Variants in UBASH3B observed in about 807,000 individuals in gnomAD.
UBASH3B encodes the protein ubiquitin associated and SH3 domain containing B.
Under a neutral mutation model 83.4 loss-of-function variants are expected in UBASH3B, and 37 were observed. The observed-to-expected ratio is 0.44, with a 90% CI of 0.34 to 0.58. The LOEUF is 0.58. Ranked by LOEUF, UBASH3B falls within the 20% of genes least tolerant of loss-of-function variation. UBASH3B has a pLI of 0.01. For missense variants in UBASH3B, 657 were observed against 827.2 expected (o/e 0.79, Z 2.52); for synonymous variants, 304 against 318.3 (o/e 0.96, Z 0.48).
At chr11:122,730,295 A>G (rs1202432416) in intron 1 of UBASH3B, among the ~76,000 whole-genome samples, 1 of 152,168 alleles carries the variant, frequency 6.6e-6, no homozygotes, top group Non-Finnish European at 1.5e-5. Flanking sequence ...TGTGGGTGAC[A>G]TCACACGGGT....
intron 1 of UBASH3B, among the ~76,000 whole-genome samples, chr11:122,724,192 G>A (rs1860690669): frequency 6.6e-6 from 1 of 152,224 alleles, no homozygotes; most frequent in African/African-American, 2.4e-5. Flanking sequence ...TCCATATCTG[G>A]CTTTGCCACT....
chr11:122,719,679 T>C (rs948688026), intron 1 of UBASH3B, among the ~76,000 whole-genome samples: 2 of 152,216 alleles, frequency 1.3e-5, no homozygotes, highest in South Asian at 2.1e-4. Flanking sequence ...TCTTGAACAG[T>C]AACACTTCCC....
intron 12 of UBASH3B, among the ~76,000 whole-genome samples, chr11:122,807,576 G>T (rs899155307): frequency 6.6e-6 from 1 of 152,030 alleles, no homozygotes; most frequent in East Asian, 1.9e-4. Context: ...TTGAGACAGG[G>T]TCTTGCTCCT....
chr11:122,796,080 C>G (rs1591327661), intron 7 of UBASH3B, 76 bp from the exon 8 acceptor site: 2 of 1,580,824 alleles, frequency 1.3e-6, no homozygotes, highest in East Asian at 4.5e-5. Flanking sequence ...TAGAGCTCAG[C>G]TCACCTGGCA....
intron 1 of UBASH3B, among the ~76,000 whole-genome samples, chr11:122,771,021 C>T (rs1860632848): frequency 2.0e-5 from 3 of 152,198 alleles, no homozygotes; most frequent in South Asian, 2.1e-4. Flanking sequence ...AAGGCCTTTG[C>T]GAGTGATCTC....
chr11:122,731,899 T>G (rs1286615861), intron 1 of UBASH3B, among the ~76,000 whole-genome samples: 5 of 152,218 alleles, frequency 3.3e-5, no homozygotes, highest in Non-Finnish European at 5.9e-5. Context: ...CACTGCATTC[T>G]GGTCTTCCCA....
At chr11:122,718,680 GC>G (rs1860567627) in intron 1 of UBASH3B, among the ~76,000 whole-genome samples, 1 of 151,942 alleles carries the variant, frequency 6.6e-6, no homozygotes, top group Non-Finnish European at 1.5e-5. Flanking sequence ...TTTGATTGGA[GC>G]CCCAAAAAAG....
chr11:122,773,843 T>A (rs1860688095), intron 1 of UBASH3B, among the ~76,000 whole-genome samples: 1 of 152,202 alleles, frequency 6.6e-6, no homozygotes, highest in Non-Finnish European at 1.5e-5. Context: ...AAATTAAATT[T>A]CACTCGGATA....
At chr11:122,732,926 T>C (rs899379678) in intron 1 of UBASH3B, among the ~76,000 whole-genome samples, 3 of 152,210 alleles carry the variant, frequency 2.0e-5, no homozygotes, top group African/African-American at 7.2e-5. Flanking sequence ...GGAATGTTAG[T>C]ATCTCTCTCA....
chr11:122,803,591 G>A (rs1021207070), intron 11 of UBASH3B, among the ~76,000 whole-genome samples: 7 of 152,256 alleles, frequency 4.6e-5, no homozygotes, highest in Middle Eastern at 3.4e-3. Flanking sequence ...GGCCAGAGGA[G>A]CAAGGCAGAA....
At chr11:122,794,234 T>A (rs1324740433) in intron 6 of UBASH3B, among the ~76,000 whole-genome samples, 1 of 152,120 alleles carries the variant, frequency 6.6e-6, no homozygotes, top group Non-Finnish European at 1.5e-5. Flanking sequence ...GAGACGGGGT[T>A]TCGCCGTATC....
Position 122,720,129 on chromosome 11 carries a change from C to T in UBASH3B, c.162-56090C>T, listed in dbSNP as rs75299473. Among the ~76,000 whole-genome samples the T allele has an allele frequency of 8.9e-3, 1,350 of 152,226 alleles. 16 individuals are homozygous for T. Among genetic ancestry groups the T allele is most frequent in the African/African-American group, 0.029 (1,187 of 41,524 alleles). ...TGCTGACAACTCCTGCACTTACATC[C>T]CCCACCCAGTCCTCTCTCCCATTTT... On this transcript the variant is annotated intron_variant, in intron 1 of 13. Transcript: ENST00000284273.
chr11:122,741,439 C>T (rs1861022795), intron 1 of UBASH3B, among the ~76,000 whole-genome samples: 1 of 152,218 alleles, frequency 6.6e-6, no homozygotes, highest in African/African-American at 2.4e-5. Flanking sequence ...CGTGTTAGAA[C>T]TCAGTGAATG....
At chr11:122,684,182 G>A (rs4936719) in intron 1 of UBASH3B, among the ~76,000 whole-genome samples, 5,633 of 152,264 alleles carry the variant, frequency 0.037, 149 homozygotes, top group Non-Finnish European at 0.059. Flanking sequence ...GTATCCTAGA[G>A]TCTGTGTGCA....
intron 3 of UBASH3B, among the ~76,000 whole-genome samples, chr11:122,778,265 CATTCACTCTGAAA>C (rs1164849459): frequency 6.6e-6 from 1 of 152,022 alleles, no homozygotes; most frequent in Admixed American, 6.6e-5. Context: ...TCTCTTTTAC[CATTCACTCTGAAA>C]ATTAAAGTGA....
chr11:122,771,147 T>G (rs10790529), intron 1 of UBASH3B, among the ~76,000 whole-genome samples: 82,747 of 151,930 alleles, frequency 0.54, 23,477 homozygotes, highest in African/African-American at 0.71. Flanking sequence ...TGCTGTCTCT[T>G]GCTTTCATCT....
At chr11:122,744,224 G>C (rs1861074154) in intron 1 of UBASH3B, among the ~76,000 whole-genome samples, 1 of 152,234 alleles carries the variant, frequency 6.6e-6, no homozygotes, top group Admixed American at 6.5e-5. Context: ...CAGGCTGTGT[G>C]TGTGTCTGGG....
chr11:122,764,046 G>A (rs12288259), intron 1 of UBASH3B, among the ~76,000 whole-genome samples: 22,982 of 152,074 alleles, frequency 0.15, 2,118 homozygotes, highest in Middle Eastern at 0.26. Flanking sequence ...CAACTCTATC[G>A]GGTACAGAAA....
intron 1 of UBASH3B, among the ~76,000 whole-genome samples, chr11:122,715,640 T>A (rs1860510678): frequency 6.6e-6 from 1 of 152,298 alleles, no homozygotes; most frequent in Admixed American, 6.5e-5. Flanking sequence ...CACCCATCTG[T>A]TCCCCTACTT....
Sources: allele counts gnomAD v4.1 joint callset (sites outside exome capture counted in the v4.1 genomes callset), GRCh38; gene constraint gnomAD v4.1.1; transcripts MANE v1.5; gene names NCBI Gene and HGNC (gene_info 2026-07-23, HGNC 2026-07-21).